Variants in HMCN2 observed in about 807,000 individuals in gnomAD.
The protein encoded by HMCN2 is hemicentin-2.
In HMCN2, 325 loss-of-function variants were observed where a neutral mutation model predicts 377.5. The observed-to-expected ratio is 0.86, with a 90% confidence interval of 0.79 to 0.94. The LOEUF (loss-of-function observed/expected upper bound fraction) is 0.94, where lower values mean the gene tolerates loss of function less well. HMCN2 is among the 40% of genes least tolerant of loss of function. HMCN2 has a pLI of 0.00. For synonymous variants in HMCN2, 2,007 were observed against 2,046.8 expected (o/e 0.98, Z 0.53); for missense variants, 4,543 against 4,725.3 (o/e 0.96, Z 1.13).
intron 15 of HMCN2, among the ~76,000 whole-genome samples, chr9:130,314,463 A>G (rs1837433421): frequency 6.6e-6 from 1 of 152,220 alleles, no homozygotes; most frequent in Non-Finnish European, 1.5e-5. Flanking sequence ...TATGAAATAT[A>G]ATTTTCCATG....
chr9:130,415,454 C>T (rs957230915), intron 85 of HMCN2, among the ~76,000 whole-genome samples: 4 of 152,190 alleles, frequency 2.6e-5, no homozygotes, highest in Non-Finnish European at 5.9e-5. Flanking sequence ...CCTCCCACTT[C>T]TCAGCCTCCC....
chr9:130,400,588 A>G (rs1431483976), intron 76 of HMCN2, 195 bp from the exon 77 acceptor site: 3 of 226,340 alleles, frequency 1.3e-5, no homozygotes, highest in Non-Finnish European at 1.8e-5. Context: ...TTTTTTTTTT[A>G]AAGAAAAAAA....
chr9:130,280,565 C>T (rs1835059554), intron 1 of HMCN2, among the ~76,000 whole-genome samples: 3 of 152,054 alleles, frequency 2.0e-5, no homozygotes, highest in Non-Finnish European at 4.4e-5. Context: ...CTTTCCAGGG[C>T]TCTCTGGTCC....
rs184891038 is a variant in HMCN2, at chr9:130,370,524, C to G, written c.7070-440C>G. ...CAGATATCCCCAACACCCCCACCCC[C>G]CTGGGTAGAGAGTGGCTTCCTTCAG... is the stretch of plus-strand genomic sequence containing the variant. On this transcript the variant is annotated intron_variant, in intron 45 of 97. Transcript: ENST00000683500. 4.2e-3 allele frequency among the ~76,000 whole-genome samples: 646 copies of G among 152,328 alleles called. 18 individuals are homozygous for G. The highest frequency in any genetic ancestry group is 0.04 in the Admixed American group (606 of 15,304).
At chr9:130,399,141 T>C (rs1842746087) in intron 75 of HMCN2, among the ~76,000 whole-genome samples, 1 of 150,486 alleles carries the variant, frequency 6.6e-6, no homozygotes, top group African/African-American at 2.5e-5. Flanking sequence ...TGGTCCCAGC[T>C]ACCTGGGAGG....
chr9:130,299,435 CA>C (rs562687665), intron 8 of HMCN2, 147 bp downstream of exon 8: 8 of 348,028 alleles, frequency 2.3e-5, no homozygotes, highest in South Asian at 1.8e-4. Context: ...CCCTATAAGG[CA>C]TTATGTTAAA....
At position 130,400,624 on chromosome 9, in the gene HMCN2, G is replaced by GT. The variant is rs1005931849; in HGVS notation, c.11606-158dup. 7 of 315,840 alleles carry GT rather than the reference G, an allele frequency of 2.2e-5. No individual in the cohort carries two copies. In the Admixed American group the frequency reaches 3.7e-4, roughly 17 times the overall value. The allele number at this position is 315,840 out of a possible 1,614,324, so 19.6% of individuals were successfully genotyped here. ...ACTATAGCCCCGTGCCCAGAAGGAT[G>GT]TGCTGAGTGGGCAAATGTGACTTCT... On this transcript the variant is annotated intron_variant, in intron 76 of 97. Transcript: ENST00000683500.
Position 130,304,546 on chromosome 9 carries a change from C to T in HMCN2, c.1544-184C>T, listed in dbSNP as rs916118060. Among the ~76,000 whole-genome samples, 1 of 152,196 alleles carries T rather than the reference C, an allele frequency of 6.6e-6. No homozygotes were observed. Among genetic ancestry groups the T allele is most frequent in the African/African-American group, 2.4e-5 (1 of 41,454 alleles). Reference sequence around the variant, plus strand: ...TGGTGGTGGGAGAAGTGACCTCCCACAGGGGTGATGCCTGATGGTGAGCAG... The same window carrying T: ...TGGTGGTGGGAGAAGTGACCTCCCATAGGGGTGATGCCTGATGGTGAGCAG... On this transcript the variant is annotated intron_variant, in intron 10 of 97. Coordinates refer to ENST00000683500, the MANE Select transcript of HMCN2 (RefSeq NM_001291815.2). The surrounding 1 kb of genome is among the most constrained non-coding windows in gnomAD (Gnocchi z 4.3).
intron 95 of HMCN2, chr9:130,430,977 G>A (rs1479649079): frequency 2.8e-5 from 8 of 285,218 alleles, no homozygotes; most frequent in African/African-American, 1.6e-4. Flanking sequence ...GTTCCAGGTA[G>A]ACATGAGAAT....
chr9:130,296,624 G>C, intron 6 of HMCN2, 50 bp from the exon 7 acceptor site: 1 of 464,902 alleles, frequency 2.2e-6, no homozygotes, highest in Non-Finnish European at 4.5e-6. Context: ...CCCTAAGCTG[G>C]AGTGCTGGGG....
chr9:130,414,089 A>G lies in HMCN2; in HGVS notation c.12961+3437A>G, dbSNP rs1189061610. On this transcript the variant is annotated intron_variant, in intron 85 of 97. Transcript: ENST00000683500. The surrounding 1 kb of genome is among the most constrained non-coding windows in gnomAD (Gnocchi z 4.4). ...CCATGAAAAACACCCCTGCCCCATC[A>G]TCACACCAACTGGGAGCCTCTAACT... Among the ~76,000 whole-genome samples, 1 of 151,796 alleles carries G rather than the reference A, an allele frequency of 6.6e-6. No homozygotes were observed. Among genetic ancestry groups the G allele is most frequent in the Non-Finnish European group, 1.5e-5 (1 of 67,988 alleles).
Position 130,433,783 on chromosome 9 carries a change from G to GC in HMCN2, c.*90_*91insC. 9.2e-7 allele frequency: 1 copy of GC among 1,092,748 alleles called. No individual in the cohort carries two copies. The highest frequency in any genetic ancestry group is 1.2e-6 in the Non-Finnish European group (1 of 805,652). 67.7% of individuals were successfully genotyped at this position (1,092,748 alleles called of 1,614,324 possible). A position where few individuals can be genotyped will look rare whatever the true frequency, so the allele number is the denominator to read the frequency against. On this transcript the variant is annotated 3_prime_UTR_variant, in exon 98 of 98. Transcript: ENST00000683500. The stretch of plus-strand genomic sequence containing the variant: ...GTCCACGCCACCTGCTGTGGCAAGC[G>GC]GAGCGTCATCGTCTCCCGCCCCGTG...
Position 130,430,332 on chromosome 9 carries a change from A to G in HMCN2, c.14375A>G (p.His4792Arg), listed in dbSNP as rs45564443. ...CCCAAGGCCTGCGCCTACCAGTGCC[A>G]CAACCTCCAGGGCAGCTACCGCTGC... is the stretch of plus-strand genomic sequence containing the variant. ...QLPKACAYQC[H>R]NLQGSYRCLC... is the part of the protein sequence containing the mutation. Residue 4792 changes from histidine to arginine, a missense_variant, in exon 95 of 98, where the codon CAC becomes CGC. By Grantham distance (29) the His-to-Arg change is conservative. Transcript: ENST00000683500. 0.011 allele frequency: 16,796 copies of G among 1,547,088 alleles called. 112 individuals are homozygous for G. The highest frequency in any genetic ancestry group is 0.012 in the Non-Finnish European group (14,171 of 1,146,904).
At position 130,393,876 on chromosome 9, in the gene HMCN2, T is replaced by C. The variant is rs914670779; in HGVS notation, c.10369T>C (p.Leu3457=). ...GTGGATGAAGGATGGGGAACCCTTG[T>C]TGTCCCAGAGCCTCGAGCAGGGGCC... ...VSWMKDGEPL[L]SQSLEQGPSL... is the part of the protein sequence containing the mutation. The change falls in exon 68 of 98, where the codon TTG becomes CTG. Residue 3457 remains leucine (L), a synonymous_variant. Transcript: ENST00000683500. The surrounding 1 kb of genome is among the most constrained non-coding windows in gnomAD (Gnocchi z 5.2). 1.0e-5 allele frequency: 13 copies of C among 1,289,652 alleles called. No homozygotes were observed. The highest frequency in any genetic ancestry group is 1.3e-5 in the Non-Finnish European group (13 of 988,794). 79.9% of individuals were successfully genotyped at this position (1,289,652 alleles called of 1,614,324 possible).
intron 95 of HMCN2, chr9:130,431,119 G>T: frequency 1.8e-6 from 1 of 570,758 alleles, no homozygotes; most frequent in Non-Finnish European, 3.1e-6. Flanking sequence ...GGAGGGGTCT[G>T]CGGGGTGGTG....
intron 27 of HMCN2, 125 bp downstream of exon 27, chr9:130,348,800 C>T: frequency 8.0e-7 from 1 of 1,243,544 alleles, no homozygotes; most frequent in Non-Finnish European, 1.0e-6. Context: ...TTTGGTGGTG[C>T]TCTGGGGTTC....
chr9:130,348,507 G>A, intron 26 of HMCN2, 38 bp from the exon 27 acceptor site: 1 of 1,299,552 alleles, frequency 7.7e-7, no homozygotes, highest in Non-Finnish European at 1.0e-6. Context: ...GCTCTAAGGG[G>A]GCAGGGAAGC....
In HMCN2 at chr9:130,369,823, A is replaced by C. The variant is rs1840917534; in HGVS notation, c.7041A>C (p.Ala2347=). ...TGGCCGAGAACCTGGCTGGGAGGGCAGAGAGGAAGTTTGAGCTCTCCGTAC... is the reference window on the plus strand; with the variant it reads ...TGGCCGAGAACCTGGCTGGGAGGGCCGAGAGGAAGTTTGAGCTCTCCGTAC... ...SCVAENLAGR[A]ERKFELSVLV... Residue 2347 remains alanine (A), a synonymous_variant, in exon 45 of 98, where the codon GCA becomes GCC. Coordinates refer to ENST00000683500, the MANE Select transcript of HMCN2 (RefSeq NM_001291815.2). This position sits in a 1 kb window ranked among gnomAD's most constrained non-coding sequence, Gnocchi z 4.5. The C allele has an allele frequency of 1.0e-6, 1 of 986,124 alleles. No homozygotes were observed. Among genetic ancestry groups the C allele is most frequent in the Non-Finnish European group, 1.2e-6 (1 of 830,272 alleles). 61.1% of individuals were successfully genotyped at this position (986,124 alleles called of 1,614,324 possible).
At chr9:130,429,738 C>G (rs1445026659) in intron 94 of HMCN2, 53 bp downstream of exon 94, 15 of 1,295,474 alleles carry the variant, frequency 1.2e-5, no homozygotes, top group Non-Finnish European at 1.4e-5. Context: ...CCAGGGGTTA[C>G]CGGATGCAGG....
Sources: gnomAD v4.1 joint callset for allele counts (sites outside exome capture counted in the v4.1 genomes callset) on GRCh38, gnomAD v4.1.1 for gene constraint, Gnocchi (gnomAD v3.1) non-coding constraint, MANE v1.5 for transcripts, NCBI Gene and HGNC (gene_info 2026-07-23, HGNC 2026-07-21) for gene names.